The following PRR33 variants were observed in gnomAD, a reference collection of about 807,000 sequenced individuals.
PRR33 encodes the protein proline-rich protein 33.
A neutral mutation model predicts 0.5 loss-of-function variants in PRR33; 1 was observed. That is an observed-to-expected ratio of 2.18 (90% CI 0.77 to 10.34). The LOEUF is 10.34. PRR33 is among the 30% of genes most tolerant of loss of function. The probability of loss-of-function intolerance (pLI) is 0.13; values close to 1 mark genes in which losing one functional copy is unlikely to be tolerated. For missense variants in PRR33, 552 were observed against 251.8 expected, an observed-to-expected ratio of 2.19 and a Z score of -8.07; for synonymous variants, 226 against 110.0, an observed-to-expected ratio of 2.06 and a Z score of -6.60.
At chr11:1,894,224 A>AGTGTGGGAGT (rs1849098942), upstream of PRR33, among the ~76,000 whole-genome samples, 1 of 127,630 alleles carries the variant, frequency 7.8e-6, no homozygotes, top group African/African-American at 3.2e-5. Context: ...GGAGTGTGGG[A>AGTGTGGGAGT]GTGTGTGTGT....
chr11:1,905,758 A>T, the PRR33 span, among the ~76,000 whole-genome samples: 1 of 151,184 alleles, frequency 6.6e-6, no homozygotes, highest in African/African-American at 2.4e-5. Context: ...CTGGCCAGTT[A>T]AACCATATTT....
At chr11:1,895,503 G>T (rs1032369767), upstream of PRR33, among the ~76,000 whole-genome samples, 3 of 152,164 alleles carry the variant, frequency 2.0e-5, no homozygotes, top group Admixed American at 6.5e-5. Context: ...TGGTGGCCTT[G>T]TCCTCTCACC....
At chr11:1,903,045 T>A in the PRR33 span, 1 of 152,174 alleles carries the variant, frequency 6.6e-6, no homozygotes, top group African/African-American at 2.4e-5. Context: ...TACTGCAACC[T>A]GTTTTATCAG....
chr11:1,915,960 G>T, the PRR33 span, among the ~76,000 whole-genome samples: 1 of 151,884 alleles, frequency 6.6e-6, no homozygotes, highest in Non-Finnish European at 1.5e-5. Context: ...GGGAGGGATA[G>T]ATGAAATGGA....
At chr11:1,892,083 A>G (rs555957009), upstream of PRR33, 12 of 151,856 alleles carry the variant, frequency 7.9e-5, no homozygotes, top group African/African-American at 2.9e-4. Context: ...AGTGCCTTCT[A>G]GGAAGTTAGG....
chr11:1,904,081 G>A, the PRR33 span, among the ~76,000 whole-genome samples: 1 of 152,346 alleles, frequency 6.6e-6, no homozygotes, highest in African/African-American at 2.4e-5. Context: ...CATCCATGGA[G>A]CTTTGGAATC....
the PRR33 span, among the ~76,000 whole-genome samples, chr11:1,910,709 G>A: frequency 2.2e-4 from 34 of 152,324 alleles, no homozygotes; most frequent in Admixed American, 3.9e-4. Context: ...TTGCAAAATG[G>A]TGCATTCTTA....
chr11:1,913,335 G>A, the PRR33 span, among the ~76,000 whole-genome samples: 120 of 150,778 alleles, frequency 8.0e-4, no homozygotes, highest in African/African-American at 2.7e-3. Flanking sequence ...TAGTAGAGAC[G>A]GGGTTTCACC....
chr11:1,896,441 A>G (rs1245544305), upstream of PRR33, among the ~76,000 whole-genome samples: 2 of 152,218 alleles, frequency 1.3e-5, no homozygotes, highest in Non-Finnish European at 2.9e-5. Context: ...TCAATATCTG[A>G]TAGTTGATTA....
exon 1 of PRR33, chr11:1,891,495 C>T (rs1848999528): frequency 1.3e-5 from 2 of 152,296 alleles, no homozygotes; most frequent in African/African-American, 4.8e-5. Context: ...TTCTAGCTCC[C>T]AGGGTGGGCA....
At chr11:1,914,464 CTAAGA>C in the PRR33 span, among the ~76,000 whole-genome samples, 6 of 145,730 alleles carry the variant, frequency 4.1e-5, no homozygotes, top group African/African-American at 1.3e-4. Context: ...GGTCACACAC[CTAAGA>C]TGTTTTTCTT....
At chr11:1,906,846 T>C in the PRR33 span, among the ~76,000 whole-genome samples, 1 of 152,178 alleles carries the variant, frequency 6.6e-6, no homozygotes, top group Non-Finnish European at 1.5e-5. Flanking sequence ...TCCCTAATAC[T>C]CCAGGGGGAC....
the PRR33 span, among the ~76,000 whole-genome samples, chr11:1,910,258 T>G: frequency 2.7e-5 from 4 of 148,010 alleles, no homozygotes; most frequent in South Asian, 4.2e-4. Flanking sequence ...CATTGTGGTG[T>G]TTTTTTTTTG....
At chr11:1,915,777 G>A in the PRR33 span, among the ~76,000 whole-genome samples, 4 of 132,340 alleles carry the variant, frequency 3.0e-5, no homozygotes, top group African/African-American at 1.1e-4. Flanking sequence ...ATGGATGAAG[G>A]GAGGGTGGAT....
At chr11:1,900,434 T>C in the PRR33 span, among the ~76,000 whole-genome samples, 15 of 152,172 alleles carry the variant, frequency 9.9e-5, no homozygotes, top group Non-Finnish European at 1.5e-4. Context: ...CCATTAGAGT[T>C]CCGGGAATTT....
the PRR33 span, among the ~76,000 whole-genome samples, chr11:1,901,439 G>T: frequency 6.6e-6 from 1 of 152,134 alleles, no homozygotes; most frequent in East Asian, 1.9e-4. Flanking sequence ...CATACAGAGA[G>T]ACATATAGTC....
At chr11:1,888,002 C>G (rs1177390235), downstream of PRR33, among the ~76,000 whole-genome samples, 2 of 152,154 alleles carry the variant, frequency 1.3e-5, no homozygotes, top group African/African-American at 2.4e-5. Flanking sequence ...GGTCCTACTC[C>G]CTGTCCCAGC....
chr11:1,889,277 C>A (rs1478565651), exon 1 of PRR33: 1 of 695,780 alleles, frequency 1.4e-6, no homozygotes, highest in South Asian at 1.5e-5. Flanking sequence ...GAGGCCGGTA[C>A]AGGAAGGGCA....
chr11:1,890,405 C>T, exon 1 of PRR33: 1 of 717,132 alleles, frequency 1.4e-6, no homozygotes, highest in Non-Finnish European at 2.6e-6. Flanking sequence ...TGCGGAAGGC[C>T]CTGGGTGGAG....
Sources: allele counts gnomAD v4.1 joint callset (sites outside exome capture counted in the v4.1 genomes callset), GRCh38; gene constraint gnomAD v4.1.1; transcripts MANE v1.5; gene names NCBI Gene and HGNC (gene_info 2026-07-23, HGNC 2026-07-21).